Variants in C12orf54 observed in about 807,000 individuals in gnomAD.
C12orf54 encodes the protein chromosome 12 open reading frame 54.
A neutral mutation model predicts 26.4 loss-of-function variants in C12orf54; 24 were observed. The ratio of observed to expected loss-of-function variants is 0.91; its 90% CI spans 0.66 to 1.28. The LOEUF (loss-of-function observed/expected upper bound fraction) is 1.28, where lower values mean the gene tolerates loss of function less well. C12orf54 is among the 50% of genes most tolerant of loss of function. The pLI is 0.00. For synonymous variants in C12orf54, 54 were observed against 47.0 expected (o/e 1.15, Z -0.61); for missense variants, 154 against 150.9 (o/e 1.02, Z -0.11).
At chr12:48,414,633 G>T in the C12orf54 span, among the ~76,000 whole-genome samples, 2 of 152,010 alleles carry the variant, frequency 1.3e-5, no homozygotes, top group Non-Finnish European at 2.9e-5. Context: ...TGGTATCCAT[G>T]TGCCAGGCTG....
chr12:48,492,856 C>T (rs762001840), intron 6 of C12orf54, 91 bp from the exon 7 acceptor site: 553 of 1,182,310 alleles, frequency 4.7e-4, no homozygotes, highest in Non-Finnish European at 6.1e-4. Context: ...CCCACTTTGA[C>T]TATACTTCAA....
chr12:48,418,241 G>A, the C12orf54 span, among the ~76,000 whole-genome samples: 1 of 152,328 alleles, frequency 6.6e-6, no homozygotes, highest in African/African-American at 2.4e-5. Flanking sequence ...GGGAAGGCAG[G>A]AATTGTAGTG....
At chr12:48,487,627 C>G (rs539787511) in intron 4 of C12orf54, among the ~76,000 whole-genome samples, 1 of 152,248 alleles carries the variant, frequency 6.6e-6, no homozygotes, top group South Asian at 2.1e-4. Context: ...TAATCAGGCA[C>G]TTATAACAAA....
At chr12:48,456,902 A>G in the C12orf54 span, among the ~76,000 whole-genome samples, 2 of 152,034 alleles carry the variant, frequency 1.3e-5, no homozygotes, top group East Asian at 3.9e-4. Context: ...GTGCATCTTC[A>G]AATCAAGGAA....
At chr12:48,492,819 G>A in intron 6 of C12orf54, 128 bp from the exon 7 acceptor site, 2 of 760,388 alleles carry the variant, frequency 2.6e-6, no homozygotes, top group South Asian at 1.6e-5. Flanking sequence ...CTGTTAGGTG[G>A]TCAGTGTCCC....
chr12:48,489,424 A>ACTCTCT, intron 5 of C12orf54: 2 of 248,534 alleles, frequency 8.0e-6, no homozygotes, highest in East Asian at 1.4e-4. Context: ...TGTCTCTCTC[A>ACTCTCT]ATCTCTCTCT....
At chr12:48,422,255 T>G in the C12orf54 span, among the ~76,000 whole-genome samples, 3 of 152,334 alleles carry the variant, frequency 2.0e-5, no homozygotes, top group Admixed American at 2.0e-4. Flanking sequence ...GGAGCTGCTA[T>G]TGCTACTGCT....
intron 7 of C12orf54, 46 bp from the exon 8 acceptor site, chr12:48,494,752 A>G: frequency 3.8e-6 from 6 of 1,572,194 alleles, no homozygotes; most frequent in African/African-American, 1.4e-5. Flanking sequence ...CTGAAAGGGT[A>G]AGATCTCTTT....
the C12orf54 span, among the ~76,000 whole-genome samples, chr12:48,441,564 G>C: frequency 6.6e-6 from 1 of 152,074 alleles, no homozygotes; most frequent in African/African-American, 2.4e-5. Flanking sequence ...AATGACAGGG[G>C]TTGGGGGTGG....
chr12:48,464,752 C>T, the C12orf54 span, among the ~76,000 whole-genome samples: 6 of 151,974 alleles, frequency 3.9e-5, no homozygotes, highest in Non-Finnish European at 4.4e-5. Flanking sequence ...ATAGAGAACT[C>T]AAAAATAAGG....
chr12:48,476,665 C>G, the C12orf54 span, among the ~76,000 whole-genome samples: 23 of 151,972 alleles, frequency 1.5e-4, no homozygotes, highest in Non-Finnish European at 2.5e-4. Flanking sequence ...TTACATAATG[C>G]TAAAGGGATC....
the C12orf54 span, among the ~76,000 whole-genome samples, chr12:48,451,651 T>C: frequency 2.0e-5 from 3 of 152,176 alleles, no homozygotes; most frequent in Non-Finnish European, 4.4e-5. Flanking sequence ...AGTCTCAGGA[T>C]ACAAAGTTAA....
At chr12:48,492,910 C>G in intron 6 of C12orf54, 37 bp from the exon 7 acceptor site, 1 of 1,592,644 alleles carries the variant, frequency 6.3e-7, no homozygotes, top group South Asian at 1.1e-5. Context: ...TGTCCAGGCC[C>G]CTGTAACAGA....
chr12:48,473,530 T>G, the C12orf54 span: 2 of 356,788 alleles, frequency 5.6e-6, no homozygotes, highest in Non-Finnish European at 5.4e-6. Flanking sequence ...GTAACGTTGC[T>G]GTGGGAGCAA....
At chr12:48,421,688 C>T in the C12orf54 span, among the ~76,000 whole-genome samples, 9 of 151,966 alleles carry the variant, frequency 5.9e-5, no homozygotes, top group Admixed American at 3.3e-4. Context: ...CGCCACCACA[C>T]CTGGCTAATT....
chr12:48,422,484 T>G, the C12orf54 span, among the ~76,000 whole-genome samples: 1 of 152,182 alleles, frequency 6.6e-6, no homozygotes, highest in Admixed American at 6.6e-5. Context: ...AGAAGAGTTT[T>G]GGAATAAACT....
At chr12:48,419,135 G>A in the C12orf54 span, among the ~76,000 whole-genome samples, 1 of 152,154 alleles carries the variant, frequency 6.6e-6, no homozygotes, top group South Asian at 2.1e-4. Context: ...TTCTAGACTG[G>A]CAAGTGCCAG....
the C12orf54 span, among the ~76,000 whole-genome samples, chr12:48,458,857 T>C: frequency 1.3e-5 from 2 of 152,146 alleles, no homozygotes; most frequent in Non-Finnish European, 2.9e-5. Flanking sequence ...ATTGAAACAT[T>C]ACTATCTTAC....
chr12:48,428,979 G>A, the C12orf54 span, among the ~76,000 whole-genome samples: 1 of 152,030 alleles, frequency 6.6e-6, no homozygotes, highest in African/African-American at 2.4e-5. Flanking sequence ...TGATCAAGAG[G>A]GTTTCATACC....
Sources: gnomAD v4.1 joint callset for allele counts (sites outside exome capture counted in the v4.1 genomes callset) on GRCh38, gnomAD v4.1.1 for gene constraint, MANE v1.5 for transcripts, NCBI Gene and HGNC (gene_info 2026-07-23, HGNC 2026-07-21) for gene names.